The following CASK variants were observed in gnomAD, a reference collection of about 807,000 sequenced individuals.
CASK encodes the protein calcium/calmodulin dependent serine protein kinase.
CASK carries 4 observed loss-of-function variants against 82.9 expected under a neutral mutation model. The observed-to-expected ratio is 0.05, with a 90% CI of 0.02 to 0.11. CASK has a LOEUF of 0.11. Among genes scored for constraint, CASK ranks in the 10% least tolerant of loss-of-function variants. CASK has a pLI of 1.00. For missense variants in CASK, 358 were observed against 720.9 expected, an observed-to-expected ratio of 0.50 and a Z score of 5.76; for synonymous variants, 259 against 253.5, an observed-to-expected ratio of 1.02 and a Z score of -0.20.
At chrX:41,609,602 G>A (rs2066013331) in intron 12 of CASK, among the ~76,000 whole-genome samples, 1 of 107,148 alleles carries the variant, frequency 9.3e-6, no homozygotes, top group Admixed American at 1.0e-4. Flanking sequence ...CCAGGCTGGA[G>A]TGCAGTGGTG....
intron 12 of CASK, among the ~76,000 whole-genome samples, chrX:41,594,757 G>A (rs1450759773): frequency 2.7e-5 from 3 of 111,878 alleles, no homozygotes; most frequent in Non-Finnish European, 5.6e-5. Context: ...AAAAAGCTAT[G>A]TGGTAACCCC....
chrX:41,535,180 T>C (rs1352766628), intron 22 of CASK, among the ~76,000 whole-genome samples: 1 of 111,509 alleles, frequency 9.0e-6, no homozygotes, highest in Non-Finnish European at 1.9e-5. Flanking sequence ...AAAATGCTCT[T>C]TAGAACCAGG....
intron 4 of CASK, chrX:41,743,475 G>T (rs1362874780): frequency 2.1e-5 from 6 of 282,547 alleles, no homozygotes; most frequent in African/African-American, 2.8e-5. Context: ...ACCGCGTATA[G>T]ATCAGAAGCC....
chrX:41,871,214 G>A (rs1407099185), intron 1 of CASK, among the ~76,000 whole-genome samples: 1 of 111,831 alleles, frequency 8.9e-6, no homozygotes, highest in Non-Finnish European at 1.9e-5. Context: ...CTCATAATCT[G>A]AATCTCTTTC....
intron 3 of CASK, among the ~76,000 whole-genome samples, chrX:41,759,268 A>T: frequency 9.0e-6 from 1 of 111,391 alleles, no homozygotes; most frequent in East Asian, 2.8e-4. Flanking sequence ...CTGAACTGTT[A>T]ACTTGTTTTC....
chrX:41,567,240 G>A (rs1257755426), intron 16 of CASK, among the ~76,000 whole-genome samples: 1 of 111,854 alleles, frequency 8.9e-6, no homozygotes, highest in Non-Finnish European at 1.9e-5. Context: ...AGACTAATGG[G>A]ATCTAATTAA....
chrX:41,591,021 T>A (rs1043850656), intron 12 of CASK, among the ~76,000 whole-genome samples: 1 of 112,130 alleles, frequency 8.9e-6, no homozygotes, highest in Non-Finnish European at 1.9e-5. Context: ...AAATCAGAGA[T>A]TAAATAAATA....
rs375116135 is a variant in CASK, at chrX:41,923,020, G to C, written c.-32C>G. ...GAGGGGATAGCGGCCGCAGCGTGGAGGGCTTCGAAAACGGGGGTGGGGGCG... is the reference window on the plus strand; with the variant it reads ...GAGGGGATAGCGGCCGCAGCGTGGACGGCTTCGAAAACGGGGGTGGGGGCG... On this transcript the variant is annotated 5_prime_UTR_variant, in exon 1 of 27. Transcript: ENST00000378163. 149 of 1,193,393 alleles carry C rather than the reference G, an allele frequency of 1.2e-4. No homozygotes were observed. Among genetic ancestry groups the C allele is most frequent in the Non-Finnish European group, 1.6e-4 (144 of 880,524 alleles).
At chrX:41,869,021 C>T (rs187272502) in intron 1 of CASK, among the ~76,000 whole-genome samples, 1 of 111,740 alleles carries the variant, frequency 8.9e-6, no homozygotes, top group East Asian at 2.8e-4. Flanking sequence ...AAAATAAAAC[C>T]TTCCCCTCTC....
In CASK at chrX:41,901,537, C is replaced by T. The variant is rs566186669; in HGVS notation, c.59+21393G>A. Among the ~76,000 whole-genome samples, 143 of 110,934 alleles carry T rather than the reference C, an allele frequency of 1.3e-3. 2 individuals are homozygous for T. In the South Asian group the frequency reaches 0.054, roughly 42 times the overall value. ...AGTAGGCACTTGCAGTCTTCACAGACTGGCTTTGGCAGGAAAAGCCTTTTA... is the reference window on the plus strand; with the variant it reads ...AGTAGGCACTTGCAGTCTTCACAGATTGGCTTTGGCAGGAAAAGCCTTTTA... On this transcript the variant is annotated intron_variant, in intron 1 of 26. Transcript: ENST00000378163.
At chrX:41,668,972 G>A (rs1231059477) in intron 6 of CASK, among the ~76,000 whole-genome samples, 2 of 111,008 alleles carry the variant, frequency 1.8e-5, no homozygotes, top group Non-Finnish European at 3.8e-5. Flanking sequence ...CAATCTGCCC[G>A]CCTCAGCCTC....
At chrX:41,676,360 T>G in intron 5 of CASK, 1 of 1,199,330 alleles carries the variant, frequency 8.3e-7, no homozygotes, top group Non-Finnish European at 1.1e-6. Context: ...TATAAGCAAC[T>G]GAGAGAAGAT....
chrX:41,869,275 G>C (rs1150376), intron 1 of CASK, among the ~76,000 whole-genome samples: 19,109 of 110,895 alleles, frequency 0.17, 1,467 homozygotes, highest in Middle Eastern at 0.3. Flanking sequence ...ATTCTGTTTT[G>C]TTCTGAAAGG....
At chrX:41,792,272 G>A (rs558336446) in intron 2 of CASK, among the ~76,000 whole-genome samples, 2 of 108,196 alleles carry the variant, frequency 1.8e-5, no homozygotes, top group African/African-American at 6.7e-5. Flanking sequence ...TCGTTTGCTC[G>A]AGAGCATTCA....
At chrX:41,714,605 C>CT (rs1210256115) in intron 5 of CASK, among the ~76,000 whole-genome samples, 1 of 111,481 alleles carries the variant, frequency 9.0e-6, no homozygotes, top group Non-Finnish European at 1.9e-5. Flanking sequence ...TTTGCTACCC[C>CT]TTTGTCAGCG....
chrX:41,791,694 G>T (rs1161262659), intron 2 of CASK, among the ~76,000 whole-genome samples: 4 of 105,720 alleles, frequency 3.8e-5, no homozygotes, highest in African/African-American at 1.4e-4. Flanking sequence ...CTGCATTCCA[G>T]CCAGGGCAAC....
At chrX:41,595,367 T>C (rs1472782709) in intron 12 of CASK, among the ~76,000 whole-genome samples, 1 of 111,162 alleles carries the variant, frequency 9.0e-6, no homozygotes, top group Non-Finnish European at 1.9e-5. Flanking sequence ...GGGGAGGCCA[T>C]ACGAGGTAGG....
At chrX:41,908,357 C>G (rs1195396) in intron 1 of CASK, among the ~76,000 whole-genome samples, 19,127 of 111,611 alleles carry the variant, frequency 0.17, 1,448 homozygotes, top group Middle Eastern at 0.29. Flanking sequence ...GCCTGGGCGA[C>G]AGAACAAGAC....
intron 7 of CASK, 116 bp downstream of exon 7, chrX:41,665,161 G>T: frequency 1.6e-6 from 1 of 619,594 alleles, no homozygotes; most frequent in Non-Finnish European, 2.6e-6. Context: ...CCTTTTCTCT[G>T]ATGGGGTAAC....
Sources: allele counts gnomAD v4.1 joint callset (sites outside exome capture counted in the v4.1 genomes callset), GRCh38; gene constraint gnomAD v4.1.1; transcripts MANE v1.5; gene names NCBI Gene and HGNC (gene_info 2026-07-23, HGNC 2026-07-21).